SRBD1: variants seen among roughly 807,000 people sequenced by gnomAD.
The protein encoded by SRBD1 is S1 RNA-binding domain-containing protein 1.
In SRBD1, 88 loss-of-function variants were observed where a neutral mutation model predicts 115.3. The observed-to-expected ratio is 0.76, with a 90% CI of 0.64 to 0.91. The LOEUF is 0.91. SRBD1 is among the 40% of genes least tolerant of loss of function. The pLI is 0.00. For missense variants in SRBD1, 1,385 were observed against 1,177.4 expected (o/e 1.18, Z -2.58); for synonymous variants, 509 against 407.7 (o/e 1.25, Z -2.99).
At chr2:45,531,659 A>C (rs1296242742) in intron 14 of SRBD1, among the ~76,000 whole-genome samples, 1 of 150,456 alleles carries the variant, frequency 6.6e-6, no homozygotes, top group East Asian at 1.9e-4. Flanking sequence ...TTATGAAACA[A>C]AGAAGTAACC....
At chr2:45,581,846 T>C in intron 5 of SRBD1, 36 bp from the exon 6 acceptor site, 3 of 1,521,966 alleles carry the variant, frequency 2.0e-6, no homozygotes, top group Non-Finnish European at 9.0e-7. Flanking sequence ...ACCAAAACTG[T>C]ATGTCAAAAC....
intron 14 of SRBD1, among the ~76,000 whole-genome samples, chr2:45,503,404 T>C (rs1670698324): frequency 6.6e-6 from 1 of 152,188 alleles, no homozygotes; most frequent in Non-Finnish European, 1.5e-5. Context: ...ACATCCTACT[T>C]ATGAAAAATA....
chr2:45,577,488 T>A (rs947518408), intron 7 of SRBD1, among the ~76,000 whole-genome samples: 1 of 152,176 alleles, frequency 6.6e-6, no homozygotes, highest in Non-Finnish European at 1.5e-5. Flanking sequence ...CTTTTCACTT[T>A]CTCCGCACTT....
chr2:45,462,358 C>T (rs1428739573), intron 16 of SRBD1, among the ~76,000 whole-genome samples: 2 of 152,188 alleles, frequency 1.3e-5, no homozygotes, highest in African/African-American at 4.8e-5. Context: ...ACTTGCACAT[C>T]ATGCCTCAAA....
In SRBD1 at chr2:45,389,380, A is replaced by G; in HGVS notation, c.2918T>C (p.Val973Ala). 2 of 1,613,834 alleles carry G rather than the reference A, an allele frequency of 1.2e-6. No individual in the cohort carries two copies. Among genetic ancestry groups the G allele is most frequent in the Non-Finnish European group, 1.7e-6 (2 of 1,179,906 alleles). The change falls in exon 21 of 21, where the codon GTG becomes GCG. Residue 973 changes from valine to alanine, a missense_variant. Transcript: ENST00000263736. ...GTCAATGTTGAGTACTTGGACTTCCACTCTTTCTCCGGGGCCCAGTCCAAG... is the reference window on the plus strand; with the variant it reads ...GTCAATGTTGAGTACTTGGACTTCCGCTCTTTCTCCGGGGCCCAGTCCAAG... The part of the protein sequence containing the change: ...RSLGLGPGER[V>A]EVQVLNIDIP...
At chr2:45,608,373 A>T (rs1043897433) in intron 1 of SRBD1, among the ~76,000 whole-genome samples, 1 of 152,208 alleles carries the variant, frequency 6.6e-6, no homozygotes, top group African/African-American at 2.4e-5. Flanking sequence ...ATTTAGAAAG[A>T]ATATATACAA....
At chr2:45,498,500 T>A (rs1370365450) in intron 14 of SRBD1, among the ~76,000 whole-genome samples, 1 of 152,160 alleles carries the variant, frequency 6.6e-6, no homozygotes, top group Non-Finnish European at 1.5e-5. Flanking sequence ...AATCAGGGTA[T>A]AAGTGGGATA....
intron 16 of SRBD1, among the ~76,000 whole-genome samples, chr2:45,474,310 A>G (rs1669739615): frequency 6.6e-6 from 1 of 152,158 alleles, no homozygotes; most frequent in South Asian, 2.1e-4. Flanking sequence ...TGGTAGTGAG[A>G]TCGTTTCAGA....
At chr2:45,501,297 G>T (rs1039127278) in intron 14 of SRBD1, among the ~76,000 whole-genome samples, 1 of 152,072 alleles carries the variant, frequency 6.6e-6, no homozygotes, top group Admixed American at 6.5e-5. Flanking sequence ...ATATTTTTTA[G>T]ACAAGATATC....
chr2:45,528,756 T>C (rs529083372), intron 14 of SRBD1, among the ~76,000 whole-genome samples: 1 of 151,834 alleles, frequency 6.6e-6, no homozygotes, highest in Non-Finnish European at 1.5e-5. Context: ...TGGAGTGTTG[T>C]CTAAGTTTAA....
At chr2:45,491,929 C>G (rs907830556) in intron 14 of SRBD1, among the ~76,000 whole-genome samples, 1 of 152,108 alleles carries the variant, frequency 6.6e-6, no homozygotes, top group Non-Finnish European at 1.5e-5. Context: ...TCAAGAGATT[C>G]TCCTGCCTCA....
At chr2:45,584,317 T>A (rs1009157368) in intron 5 of SRBD1, among the ~76,000 whole-genome samples, 2 of 152,216 alleles carry the variant, frequency 1.3e-5, no homozygotes, top group Non-Finnish European at 2.9e-5. Flanking sequence ...CAATTCTTAT[T>A]CCCCATGCTT....
intron 16 of SRBD1, among the ~76,000 whole-genome samples, chr2:45,471,704 TAGGTTGAAATAATA>T (rs1669654014): frequency 1.3e-5 from 2 of 152,148 alleles, no homozygotes; most frequent in Admixed American, 1.3e-4. Flanking sequence ...ACTTAATTGT[TAGGTTGAAATAATA>T]ACACCCTCTA....
At chr2:45,550,630 G>A (rs1031775251) in intron 12 of SRBD1, among the ~76,000 whole-genome samples, 5 of 152,020 alleles carry the variant, frequency 3.3e-5, no homozygotes, top group Admixed American at 2.6e-4. Context: ...CTAAGACAAT[G>A]TGACTCATTA....
chr2:45,429,278 C>T (rs752260572), intron 16 of SRBD1, among the ~76,000 whole-genome samples: 5 of 152,114 alleles, frequency 3.3e-5, no homozygotes, highest in Non-Finnish European at 7.4e-5. Flanking sequence ...AAGACGGACT[C>T]CTCCCTAACT....
chr2:45,540,599 GA>G (rs1234266657), intron 14 of SRBD1, among the ~76,000 whole-genome samples: 1 of 152,068 alleles, frequency 6.6e-6, no homozygotes, highest in East Asian at 1.9e-4. Context: ...CACAGACTGG[GA>G]AAAAATGTTT....
intron 16 of SRBD1, among the ~76,000 whole-genome samples, chr2:45,433,121 A>G (rs1304474323): frequency 1.3e-5 from 2 of 152,200 alleles, no homozygotes; most frequent in South Asian, 2.1e-4. Flanking sequence ...CTCAGCGACC[A>G]TCATCCACTC....
chr2:45,591,049 C>A (rs1420261053), intron 4 of SRBD1, among the ~76,000 whole-genome samples: 1 of 151,526 alleles, frequency 6.6e-6, no homozygotes, highest in Non-Finnish European at 1.5e-5. Context: ...TTATAAATTA[C>A]CCAGTCTCAG....
intron 16 of SRBD1, among the ~76,000 whole-genome samples, chr2:45,446,898 CTAT>C (rs1409922836): frequency 2.0e-5 from 3 of 152,130 alleles, no homozygotes; most frequent in African/African-American, 4.8e-5. Flanking sequence ...TCCACTGAAA[CTAT>C]TATTCAAGCA....
Sources: gnomAD v4.1 joint callset for allele counts (sites outside exome capture counted in the v4.1 genomes callset) on GRCh38, gnomAD v4.1.1 for gene constraint, MANE v1.5 for transcripts, NCBI Gene and HGNC (gene_info 2026-07-23, HGNC 2026-07-21) for gene names.